SLC23A1: variants seen among roughly 807,000 people sequenced by gnomAD.
SLC23A1 encodes solute carrier family 23 member 1, also known as Na(+)/L-ascorbic acid transporter 1.
A neutral mutation model predicts 62.5 loss-of-function variants in SLC23A1; 31 were observed. The observed-to-expected ratio is 0.50, with a 90% confidence interval of 0.37 to 0.67. The LOEUF is 0.67. Ranked by LOEUF, SLC23A1 falls within the 30% of genes least tolerant of loss-of-function variation. The pLI is 0.00. For synonymous variants in SLC23A1, 271 were observed against 313.2 expected (o/e 0.87, Z 1.42); for missense variants, 640 against 782.7 (o/e 0.82, Z 2.18).
rs1758100974 is a variant in SLC23A1 at position 139,379,141 on chromosome 5, G to A, written c.1073+66C>T. On this transcript the variant is annotated intron_variant, in intron 9 of 14. Coordinates refer to ENST00000348729, the MANE Select transcript of SLC23A1 (RefSeq NM_005847.5). The surrounding 1 kb of genome is among the most constrained non-coding windows in gnomAD (Gnocchi z 4.7). The stretch of plus-strand genomic sequence containing the variant: ...AGCCTACCCCCTGGGCCTCCACCCC[G>A]TTCCTGTGTGTGCTTCCTGGGTGGC... The A allele has an allele frequency of 6.4e-7, 1 of 1,561,082 alleles. No homozygotes were observed. The highest frequency in any genetic ancestry group is 1.7e-5 in the Admixed American group (1 of 59,194).
Position 139,367,207 on chromosome 5 carries a change from A to G in SLC23A1, c.*444T>C, listed in dbSNP as rs1337321912. 2 of 152,232 alleles carry G rather than the reference A, an allele frequency of 1.3e-5. No individual in the cohort carries two copies. Among genetic ancestry groups the G allele is most frequent in the African/African-American group, 4.8e-5 (2 of 41,460 alleles). The allele number at this position is 152,232 out of a possible 1,614,324, so 9.4% of individuals were successfully genotyped here. ...TTACGAAACTAAAATTATTTCTTCA[A>G]CATGATGTTTAATATTATGCATTAG... is the stretch of plus-strand genomic sequence containing the variant. On this transcript the variant is annotated 3_prime_UTR_variant, in exon 15 of 15. Transcript: ENST00000348729.
chr5:139,382,132 G>A, intron 2 of SLC23A1, 83 bp from the exon 3 acceptor site: 1 of 1,383,240 alleles, frequency 7.2e-7, no homozygotes, highest in South Asian at 1.4e-5. Flanking sequence ...CCTCATGCCT[G>A]CCTCAGCGGG....
rs150093089 is a variant in SLC23A1, at chr5:139,382,017, G to A, written c.183C>T (p.Ala61=). 24 of 1,608,974 alleles carry A rather than the reference G, an allele frequency of 1.5e-5. No homozygotes were observed. The highest frequency in any genetic ancestry group is 1.3e-4 in the African/African-American group (10 of 74,854). Residue 61 remains alanine (A), a synonymous_variant, in exon 3 of 15, where the codon GCC becomes GCT. Coordinates refer to ENST00000348729, the MANE Select transcript of SLC23A1 (RefSeq NM_005847.5). ...HYLTCFSGTI[A]VPFLLAEALC... ...GCGCCTCAGCCAGCAGGAAGGGCAC[G>A]GCGATGGTACCACTGAAGCATGTCA... is the stretch of plus-strand genomic sequence containing the variant.
chr5:139,384,386 C>T (rs1261237751), upstream of SLC23A1: 1 of 1,289,320 alleles, frequency 7.8e-7, no homozygotes, highest in Non-Finnish European at 1.0e-6. Flanking sequence ...ATGGCCAGGC[C>T]CTGCCTGAAG....
chr5:139,384,542 C>G (rs1334524823), upstream of SLC23A1: 3 of 1,289,156 alleles, frequency 2.3e-6, no homozygotes, highest in African/African-American at 4.6e-5. Context: ...TCCAAAGTTG[C>G]TGGACCAGTT....
Position 139,379,152 on chromosome 5 carries a change from T to A in SLC23A1, c.1073+55A>T, listed in dbSNP as rs1460125602. The stretch of plus-strand genomic sequence containing the variant: ...TGGGCCTCCACCCCGTTCCTGTGTG[T>A]GCTTCCTGGGTGGCGCCTGAGGAGA... On this transcript the variant is annotated intron_variant, in intron 9 of 14. Transcript: ENST00000348729. The surrounding 1 kb of genome is among the most constrained non-coding windows in gnomAD (Gnocchi z 4.7). 8.2e-6 allele frequency: 13 copies of A among 1,587,392 alleles called. No homozygotes were observed. The highest frequency in any genetic ancestry group is 1.3e-5 in the African/African-American group (1 of 74,480).
At chr5:139,374,424 G>A (rs987142114) in intron 13 of SLC23A1, among the ~76,000 whole-genome samples, 3 of 152,166 alleles carry the variant, frequency 2.0e-5, no homozygotes, top group Admixed American at 6.5e-5. Flanking sequence ...GCGACAGAGC[G>A]AGACTCCGTC....
chr5:139,368,292 A>C (rs948651130), intron 14 of SLC23A1, among the ~76,000 whole-genome samples: 1 of 152,098 alleles, frequency 6.6e-6, no homozygotes, highest in South Asian at 2.1e-4. Context: ...GTGAGCTGAG[A>C]TCGCGCCACT....
At chr5:139,377,303 T>C (rs1364090279) in intron 13 of SLC23A1, 99 bp downstream of exon 13, 9 of 735,048 alleles carry the variant, frequency 1.2e-5, no homozygotes, top group Admixed American at 9.8e-5. Flanking sequence ...GGGCCTGCAT[T>C]GCATGGGACC....
rs1432557610 is a variant in SLC23A1 at position 139,379,154 on chromosome 5, C to A, written c.1073+53G>T. 8.2e-6 allele frequency: 13 copies of A among 1,591,486 alleles called. No individual in the cohort carries two copies. Among genetic ancestry groups the A allele is most frequent in the Middle Eastern group, 1.7e-4 (1 of 6,010 alleles). On this transcript the variant is annotated intron_variant, in intron 9 of 14. Coordinates refer to ENST00000348729, the MANE Select transcript of SLC23A1 (RefSeq NM_005847.5). This position sits in a 1 kb window ranked among gnomAD's most constrained non-coding sequence, Gnocchi z 4.7. ...GGCCTCCACCCCGTTCCTGTGTGTG[C>A]TTCCTGGGTGGCGCCTGAGGAGATC...
chr5:139,385,118 C>T (rs148546455), upstream of SLC23A1, among the ~76,000 whole-genome samples: 4 of 152,348 alleles, frequency 2.6e-5, no homozygotes, highest in African/African-American at 4.8e-5. Context: ...GTCTAAGTTT[C>T]GGTTTCTGCA....
chr5:139,377,551 G>A, intron 12 of SLC23A1, 54 bp from the exon 13 acceptor site: 5 of 926,974 alleles, frequency 5.4e-6, no homozygotes, highest in Non-Finnish European at 7.2e-6. Flanking sequence ...GGAGAGCAGA[G>A]TTGAGGGACT....
chr5:139,375,290 C>T (rs1036030552), intron 13 of SLC23A1, among the ~76,000 whole-genome samples: 1 of 152,200 alleles, frequency 6.6e-6, no homozygotes, highest in Non-Finnish European at 1.5e-5. Flanking sequence ...GCCCAGGTCC[C>T]CTGAAACCCT....
At position 139,380,570 on chromosome 5, in the gene SLC23A1, G is replaced by C; in HGVS notation, c.460C>G (p.Arg154Gly). The stretch of plus-strand genomic sequence containing the variant: ...ATGCTTACATGCAAACCCACCTCCC[G>C]TATCCGTGGGTGCCAAATATGAGAG... ...NTSHIWHPRIREVQGAIMVSS... is the reference protein window; with the variant it reads ...NTSHIWHPRIGEVQGAIMVSS... The change falls in exon 5 of 15, where the codon CGG becomes GGG. Residue 154 changes from arginine to glycine, a missense_variant. Arg to Gly is a moderately radical substitution (Grantham distance 125, BLOSUM62 -2). Coordinates refer to ENST00000348729, the MANE Select transcript of SLC23A1 (RefSeq NM_005847.5). The C allele has an allele frequency of 6.2e-7, 1 of 1,613,702 alleles. No homozygotes were observed. The highest frequency in any genetic ancestry group is 8.5e-7 in the Non-Finnish European group (1 of 1,179,654).
Position 139,379,947 on chromosome 5 carries a change from G to C in SLC23A1, c.768+9C>G, listed in dbSNP as rs1015291869. 1.1e-5 allele frequency: 17 copies of C among 1,613,952 alleles called. No individual in the cohort carries two copies. The highest frequency in any genetic ancestry group is 1.6e-4 in the Middle Eastern group (1 of 6,084). On this transcript the variant is annotated intron_variant, in intron 7 of 14. Transcript: ENST00000348729. This position sits in a 1 kb window ranked among gnomAD's most constrained non-coding sequence, Gnocchi z 4.7. ...TAGTCCCAGCCCCAGCCGCCTGCCAGGTCCTCACAGGAAACATTTTGAAGA... is the reference window on the plus strand; with the variant it reads ...TAGTCCCAGCCCCAGCCGCCTGCCACGTCCTCACAGGAAACATTTTGAAGA...
chr5:139,380,986 G>C, intron 3 of SLC23A1, 100 bp from the exon 4 acceptor site: 1 of 650,960 alleles, frequency 1.5e-6, no homozygotes, highest in Non-Finnish European at 2.7e-6. Flanking sequence ...CAGAGAGAGT[G>C]ACAGAGACAC....
rs1758095518 is a variant in SLC23A1 at position 139,379,021 on chromosome 5, C to T, written c.1073+186G>A. 6.6e-6 allele frequency among the ~76,000 whole-genome samples: 1 copy of T among 152,176 alleles called. No homozygotes were observed. Among genetic ancestry groups the T allele is most frequent in the Non-Finnish European group, 1.5e-5 (1 of 68,036 alleles). On this transcript the variant is annotated intron_variant, in intron 9 of 14. Coordinates refer to ENST00000348729, the MANE Select transcript of SLC23A1 (RefSeq NM_005847.5). The surrounding 1 kb of genome is among the most constrained non-coding windows in gnomAD (Gnocchi z 4.7). ...TTCCCTTTGGACTCCACCATCTTCT[C>T]AGCTACTCCCAGCAAAGACAGAGGG...
chr5:139,379,884 A>G lies in SLC23A1; in HGVS notation c.769-50T>C, dbSNP rs766922444. The G allele has an allele frequency of 1.2e-6, 2 of 1,613,946 alleles. No homozygotes were observed. Among genetic ancestry groups the G allele is most frequent in the Non-Finnish European group, 8.5e-7 (1 of 1,179,872 alleles). On this transcript the variant is annotated intron_variant, in intron 7 of 14. Coordinates refer to ENST00000348729, the MANE Select transcript of SLC23A1 (RefSeq NM_005847.5). The surrounding 1 kb of genome is among the most constrained non-coding windows in gnomAD (Gnocchi z 4.7). ...CTGAAGGCACTGGAGGTCTCTGTCCAGGCTAACCTGCTCCCACCTCAGCCC... is the reference window on the plus strand; with the variant it reads ...CTGAAGGCACTGGAGGTCTCTGTCCGGGCTAACCTGCTCCCACCTCAGCCC...
intron 12 of SLC23A1, 74 bp downstream of exon 12, chr5:139,377,901 C>T: frequency 6.9e-7 from 1 of 1,450,622 alleles, no homozygotes. Flanking sequence ...CTGTGTGGAG[C>T]CTTTGAGGGA....
Sources: allele counts gnomAD v4.1 joint callset (sites outside exome capture counted in the v4.1 genomes callset), GRCh38; gene constraint gnomAD v4.1.1; non-coding constraint Gnocchi (gnomAD v3.1); transcripts MANE v1.5; gene names NCBI Gene and HGNC (gene_info 2026-07-23, HGNC 2026-07-21).